ZFPM2: variants seen among roughly 807,000 people sequenced by gnomAD.
ZFPM2 encodes the protein zinc finger protein, FOG family member 2.
A neutral mutation model predicts 98.6 loss-of-function variants in ZFPM2; 20 were observed. The observed-to-expected ratio is 0.20, with a 90% CI of 0.14 to 0.29. ZFPM2 has a LOEUF of 0.29. Ranked by LOEUF, ZFPM2 falls within the 10% of genes least tolerant of loss-of-function variation. The pLI is 1.00. For synonymous variants in ZFPM2, 518 were observed against 502.7 expected, an observed-to-expected ratio of 1.03 and a Z score of -0.41; for missense variants, 1,310 against 1,388.6, an observed-to-expected ratio of 0.94 and a Z score of 0.90.
At chr8:105,720,762 A>C (rs1811642205) in intron 5 of ZFPM2, among the ~76,000 whole-genome samples, 1 of 151,846 alleles carries the variant, frequency 6.6e-6, no homozygotes, top group Non-Finnish European at 1.5e-5. Context: ...TATATAGATA[A>C]GGCACAGAAG....
chr8:105,740,122 A>G (rs1812178532), intron 5 of ZFPM2, among the ~76,000 whole-genome samples: 1 of 152,034 alleles, frequency 6.6e-6, no homozygotes. Context: ...CTTTGCAGAC[A>G]GTCAAAACTG....
intron 5 of ZFPM2, among the ~76,000 whole-genome samples, chr8:105,652,129 A>G (rs1333060020): frequency 6.6e-6 from 1 of 151,506 alleles, no homozygotes; most frequent in Non-Finnish European, 1.5e-5. Flanking sequence ...TTGGCTTGCT[A>G]TTACTGGGTG....
chr8:105,330,566 ATACAT>A (rs1812199364), intron 1 of ZFPM2, among the ~76,000 whole-genome samples: 1 of 74,042 alleles, frequency 1.4e-5, no homozygotes, highest in Non-Finnish European at 2.9e-5. Flanking sequence ...ATATATATAT[ATACAT>A]ATATATATAC....
At chr8:105,715,243 A>G (rs1415884742) in intron 5 of ZFPM2, among the ~76,000 whole-genome samples, 3 of 151,954 alleles carry the variant, frequency 2.0e-5, no homozygotes, top group South Asian at 2.1e-4. Flanking sequence ...TACAAAAAAA[A>G]TAGAAAATTA....
At chr8:105,471,038 C>A (rs1812893122) in intron 3 of ZFPM2, among the ~76,000 whole-genome samples, 1 of 151,982 alleles carries the variant, frequency 6.6e-6, no homozygotes, top group Non-Finnish European at 1.5e-5. Context: ...TATTGAAAAT[C>A]TTTTTTCTGC....
chr8:105,351,497 G>T (rs1345260204), intron 1 of ZFPM2, among the ~76,000 whole-genome samples: 1 of 151,868 alleles, frequency 6.6e-6, no homozygotes, highest in Non-Finnish European at 1.5e-5. Context: ...GAATTTTTAG[G>T]TGCAAATTCA....
At chr8:105,738,516 T>C (rs1352170372) in intron 5 of ZFPM2, among the ~76,000 whole-genome samples, 4 of 152,124 alleles carry the variant, frequency 2.6e-5, no homozygotes, top group Admixed American at 1.3e-4. Context: ...AAACAATTTA[T>C]ATTCTTTTGG....
At chr8:105,372,003 A>AAAT (rs1325262111) in intron 1 of ZFPM2, among the ~76,000 whole-genome samples, 1 of 139,932 alleles carries the variant, frequency 7.1e-6, no homozygotes, top group Non-Finnish European at 1.5e-5. Flanking sequence ...AAAAATAGTG[A>AAAT]AATTATTATT....
chr8:105,551,349 C>G (rs764009560), intron 3 of ZFPM2, among the ~76,000 whole-genome samples: 2 of 152,116 alleles, frequency 1.3e-5, no homozygotes, highest in Non-Finnish European at 2.9e-5. Context: ...GGAATGAACT[C>G]AAGTATCCTA....
intron 3 of ZFPM2, among the ~76,000 whole-genome samples, chr8:105,485,396 G>A (rs556962938): frequency 6.6e-6 from 1 of 152,192 alleles, no homozygotes; most frequent in African/African-American, 2.4e-5. Flanking sequence ...TAGTACATCT[G>A]CAGTCCTGGG....
At chr8:105,629,124 A>C (rs1816712326) in intron 4 of ZFPM2, among the ~76,000 whole-genome samples, 1 of 152,170 alleles carries the variant, frequency 6.6e-6, no homozygotes, top group African/African-American at 2.4e-5. Context: ...AAGAGGTGGA[A>C]AACAGCAGGT....
At chr8:105,403,090 T>C (rs1247189094) in intron 1 of ZFPM2, among the ~76,000 whole-genome samples, 1 of 152,088 alleles carries the variant, frequency 6.6e-6, no homozygotes, top group African/African-American at 2.4e-5. Flanking sequence ...GATGATTCTT[T>C]ACTCTTGCTA....
At chr8:105,588,155 G>A (rs1815765092) in intron 4 of ZFPM2, among the ~76,000 whole-genome samples, 1 of 151,946 alleles carries the variant, frequency 6.6e-6, no homozygotes, top group African/African-American at 2.4e-5. Context: ...AACCTATCTT[G>A]CAAAATATAT....
intron 4 of ZFPM2, among the ~76,000 whole-genome samples, chr8:105,619,628 C>A (rs2130813718): frequency 6.6e-6 from 1 of 152,028 alleles, no homozygotes; most frequent in East Asian, 1.9e-4. Context: ...TGGTGTGCTG[C>A]ACTTATTAAT....
chr8:105,442,372 AC>A (rs2130201801), intron 2 of ZFPM2, among the ~76,000 whole-genome samples: 1 of 152,056 alleles, frequency 6.6e-6, no homozygotes, highest in Non-Finnish European at 1.5e-5. Context: ...AAACAAAAAA[AC>A]AACAAAAAAA....
At chr8:105,386,032 T>C (rs1810981890) in intron 1 of ZFPM2, among the ~76,000 whole-genome samples, 1 of 152,188 alleles carries the variant, frequency 6.6e-6, no homozygotes, top group African/African-American at 2.4e-5. Context: ...CCCATTCATG[T>C]AGTTATTGTG....
intron 3 of ZFPM2, among the ~76,000 whole-genome samples, chr8:105,511,622 G>T (rs1253295893): frequency 6.6e-6 from 1 of 152,048 alleles, no homozygotes; most frequent in East Asian, 1.9e-4. Context: ...ACATTTTTTT[G>T]AATCATATTG....
rs1563546914 is a variant in ZFPM2 at position 105,746,654 on chromosome 8, A to ATTTTTTTTTTTTTTT, written c.533-42064_533-42063insTTTTTTTTTTTTTTT. On this transcript the variant is annotated intron_variant, in intron 5 of 7. Transcript: ENST00000407775. ...TGCGTTTTCTTGTTCTGTTTTTAAA[A>ATTTTTTTTTTTTTTT]ATTTTTTTTTTTTTTTTTTTTTTGG... 1.2e-4 allele frequency among the ~76,000 whole-genome samples: 13 copies of ATTTTTTTTTTTTTTT among 112,014 alleles called. 5 individuals are homozygous for ATTTTTTTTTTTTTTT. Among genetic ancestry groups the ATTTTTTTTTTTTTTT allele is most frequent in the Admixed American group, 9.6e-5 (1 of 10,388 alleles). The allele number at this position is 112,014 out of a possible 152,430, so 73.5% of individuals were successfully genotyped here.
chr8:105,476,331 C>T (rs1012785219), intron 3 of ZFPM2, among the ~76,000 whole-genome samples: 4 of 152,250 alleles, frequency 2.6e-5, no homozygotes, highest in South Asian at 2.1e-4. Context: ...GTCAGATCAG[C>T]GACAGCATTA....
Sources: gnomAD v4.1 joint callset for allele counts (sites outside exome capture counted in the v4.1 genomes callset) on GRCh38, gnomAD v4.1.1 for gene constraint, MANE v1.5 for transcripts, NCBI Gene and HGNC (gene_info 2026-07-23, HGNC 2026-07-21) for gene names.